The following EDIL3 variants were observed in gnomAD, a reference collection of about 807,000 sequenced individuals.
EDIL3 encodes EGF like and discoidin domains 3, also known as EGF-like repeat and discoidin I-like domain-containing protein 3.
A neutral mutation model predicts 67.4 loss-of-function variants in EDIL3; 37 were observed. The ratio of observed to expected loss-of-function variants is 0.55; its 90% confidence interval spans 0.42 to 0.72. The LOEUF (loss-of-function observed/expected upper bound fraction) is 0.72, where lower values mean the gene tolerates loss of function less well. Among genes scored for constraint, EDIL3 ranks in the 30% least tolerant of loss-of-function variants. The pLI is 0.00. For synonymous variants in EDIL3, 195 were observed against 196.3 expected, an observed-to-expected ratio of 0.99 and a Z score of 0.05; for missense variants, 527 against 586.3, an observed-to-expected ratio of 0.90 and a Z score of 1.04.
chr5:84,221,973 A>T (rs1293862955), intron 3 of EDIL3, among the ~76,000 whole-genome samples: 2 of 151,984 alleles, frequency 1.3e-5, no homozygotes, highest in African/African-American at 4.8e-5. Flanking sequence ...TTCATTAGAA[A>T]ATAATGTGAT....
chr5:84,055,234 G>A (rs1746421596), intron 9 of EDIL3, among the ~76,000 whole-genome samples: 1 of 146,528 alleles, frequency 6.8e-6, no homozygotes. Flanking sequence ...AACAAATGGT[G>A]CTGGGAAAAC....
intron 3 of EDIL3, among the ~76,000 whole-genome samples, chr5:84,190,283 G>A (rs1743552836): frequency 6.6e-6 from 1 of 151,772 alleles, no homozygotes; most frequent in South Asian, 2.1e-4. Flanking sequence ...TCCTTAAAAA[G>A]TCTTTCTTTT....
At chr5:84,120,403 T>G (rs1482447642) in intron 5 of EDIL3, among the ~76,000 whole-genome samples, 1 of 152,056 alleles carries the variant, frequency 6.6e-6, no homozygotes, top group South Asian at 2.1e-4. Flanking sequence ...TGGTTGAAGA[T>G]GAGATGGATG....
chr5:84,319,337 G>C (rs1195024803), intron 1 of EDIL3, among the ~76,000 whole-genome samples: 1 of 111,154 alleles, frequency 9.0e-6, no homozygotes, highest in Admixed American at 8.7e-5. Context: ...AGTGGCGGGC[G>C]CCTGTAGTCC....
intron 4 of EDIL3, among the ~76,000 whole-genome samples, chr5:84,157,970 G>A (rs1249710768): frequency 3.3e-5 from 5 of 152,144 alleles, no homozygotes; most frequent in South Asian, 4.1e-4. Context: ...AATGATAACC[G>A]GAATCTATTA....
intron 6 of EDIL3, among the ~76,000 whole-genome samples, chr5:84,101,279 A>G (rs184287916): frequency 5.6e-4 from 85 of 152,240 alleles, no homozygotes; most frequent in East Asian, 5.2e-3. Context: ...CAACTTGGAT[A>G]AGATAATTAA....
chr5:84,075,204 TG>T (rs1268041218), intron 6 of EDIL3, among the ~76,000 whole-genome samples: 1 of 131,320 alleles, frequency 7.6e-6, no homozygotes, highest in African/African-American at 2.9e-5. Flanking sequence ...TGTTGTGGGG[TG>T]GGGGGAGTGG....
At chr5:83,954,333 C>T (rs1180436326) in intron 10 of EDIL3, among the ~76,000 whole-genome samples, 2 of 151,658 alleles carry the variant, frequency 1.3e-5, no homozygotes, top group East Asian at 3.9e-4. Flanking sequence ...AAAATGCGAT[C>T]CTCAATGTTG....
chr5:84,132,142 G>A (rs928340342), intron 5 of EDIL3, among the ~76,000 whole-genome samples: 17 of 149,734 alleles, frequency 1.1e-4, no homozygotes, highest in Non-Finnish European at 2.2e-4. Flanking sequence ...GGCTGAGGCA[G>A]GAGAATTGCT....
At chr5:84,072,606 A>G (rs1746759806) in intron 6 of EDIL3, among the ~76,000 whole-genome samples, 1 of 152,184 alleles carries the variant, frequency 6.6e-6, no homozygotes, top group Non-Finnish European at 1.5e-5. Context: ...TTAACTCAGC[A>G]ATTCTATTTA....
intron 1 of EDIL3, among the ~76,000 whole-genome samples, chr5:84,319,494 CAAAAAAAAA>C (rs55738450): frequency 4.9e-4 from 21 of 42,840 alleles, no homozygotes; most frequent in African/African-American, 1.3e-3. Context: ...CAAAAAACAA[CAAAAAAAAA>C]AAAAAAAAAA....
At chr5:84,163,311 G>A (rs756535255) in intron 4 of EDIL3, among the ~76,000 whole-genome samples, 2 of 152,072 alleles carry the variant, frequency 1.3e-5, no homozygotes, top group Non-Finnish European at 2.9e-5. Context: ...TTGCTCTGAA[G>A]AGGAAAGAGA....
intron 9 of EDIL3, among the ~76,000 whole-genome samples, chr5:83,989,976 A>C (rs1745122153): frequency 1.3e-5 from 2 of 152,264 alleles, no homozygotes; most frequent in Admixed American, 1.3e-4. Context: ...ACACAGAAAC[A>C]AATAAATAAA....
intron 1 of EDIL3, among the ~76,000 whole-genome samples, chr5:84,297,177 G>GAAAA (rs61365875): frequency 2.8e-4 from 18 of 63,218 alleles, no homozygotes; most frequent in Non-Finnish European, 4.4e-4. Flanking sequence ...GCAAGACTCC[G>GAAAA]AAAAAAAAAA....
At chr5:84,132,381 AATATATTTTAT>A (rs1312231983) in intron 5 of EDIL3, among the ~76,000 whole-genome samples, 926 of 15,058 alleles carry the variant, frequency 0.061, 50 homozygotes, top group African/African-American at 0.19. Context: ...TATTATATAT[AATATATTTTAT>A]ATATAATATA....
chr5:84,227,371 A>G (rs1183381640), intron 3 of EDIL3, among the ~76,000 whole-genome samples: 1 of 152,092 alleles, frequency 6.6e-6, no homozygotes, highest in Non-Finnish European at 1.5e-5. Context: ...CAAATCAAAA[A>G]CCACAATGAG....
chr5:84,286,611 G>A (rs1171694636), intron 1 of EDIL3, among the ~76,000 whole-genome samples: 1 of 152,064 alleles, frequency 6.6e-6, no homozygotes, highest in African/African-American at 2.4e-5. Context: ...TATTTAGTTG[G>A]AGTCTTTATA....
intron 9 of EDIL3, among the ~76,000 whole-genome samples, chr5:84,024,048 A>T (rs567522800): frequency 1.3e-5 from 2 of 152,224 alleles, no homozygotes; most frequent in African/African-American, 4.8e-5. Context: ...AATTTCTAGG[A>T]TTTAGAGATT....
chr5:84,181,481 T>C (rs1338965284), intron 3 of EDIL3, among the ~76,000 whole-genome samples: 1 of 152,212 alleles, frequency 6.6e-6, no homozygotes, highest in Non-Finnish European at 1.5e-5. Context: ...CTGAGATTTT[T>C]CTTAAAACCA....
Sources: gnomAD v4.1 joint callset for allele counts (sites outside exome capture counted in the v4.1 genomes callset) on GRCh38, gnomAD v4.1.1 for gene constraint, MANE v1.5 for transcripts, NCBI Gene and HGNC (gene_info 2026-07-23, HGNC 2026-07-21) for gene names.